The following IFNG-AS1 variants were observed in gnomAD, a reference collection of about 807,000 sequenced individuals.
IFNG-AS1 encodes IFNG antisense RNA 1 (non-protein coding).
At chr12:68,018,125 C>T (rs568767165) in intron 3 of IFNG-AS1, among the ~76,000 whole-genome samples, 84 of 152,178 alleles carry the variant, frequency 5.5e-4, no homozygotes, top group African/African-American at 1.9e-3. Context: ...TCATCTGGAC[C>T]ATTTCTCCTG....
At chr12:67,999,616 C>G (rs1471843036) in intron 2 of IFNG-AS1, among the ~76,000 whole-genome samples, 1 of 152,098 alleles carries the variant, frequency 6.6e-6, no homozygotes, top group African/African-American at 2.4e-5. Flanking sequence ...GTATTCATGA[C>G]TGCATACTGA....
At chr12:68,004,854 C>T (rs574427767) in intron 2 of IFNG-AS1, among the ~76,000 whole-genome samples, 31 of 152,146 alleles carry the variant, frequency 2.0e-4, no homozygotes, top group Non-Finnish European at 3.8e-4. Context: ...CTTTTCTTAG[C>T]GGGATGCATA....
In IFNG-AS1 at chr12:68,006,509, G is replaced by A. The variant is rs533423860; in HGVS notation, n.241+363G>A. The stretch of plus-strand genomic sequence containing the variant: ...AGACATACCCATTGCGCTATTGTCT[G>A]GGAAGAATTCTAAGACAGCCCCATG... On this transcript the variant is annotated intron_variant and non_coding_transcript_variant, in intron 3 of 5. Transcript: ENST00000536914. Among the ~76,000 whole-genome samples the A allele has an allele frequency of 2.0e-5, 3 of 152,222 alleles. No homozygotes were observed. The South Asian group carries it at 6.2e-4, about 32-fold the overall frequency.
chr12:68,018,638 C>G (rs1880210151), intron 3 of IFNG-AS1, among the ~76,000 whole-genome samples: 1 of 152,040 alleles, frequency 6.6e-6, no homozygotes. Context: ...AAGAAATACT[C>G]CTACAACTTT....
intron 3 of IFNG-AS1, among the ~76,000 whole-genome samples, chr12:68,014,481 T>A (rs1237362202): frequency 6.6e-6 from 1 of 152,210 alleles, no homozygotes; most frequent in Non-Finnish European, 1.5e-5. Flanking sequence ...TTATTATGGC[T>A]ATTCTTGCAG....
intron 3 of IFNG-AS1, among the ~76,000 whole-genome samples, chr12:68,018,693 G>C (rs1454909128): frequency 2.0e-5 from 3 of 152,116 alleles, no homozygotes; most frequent in Non-Finnish European, 4.4e-5. Context: ...AAGGTAGAGA[G>C]AGTGGCTGTA....
intron 3 of IFNG-AS1, among the ~76,000 whole-genome samples, chr12:68,016,085 G>A (rs797019990): frequency 6.6e-6 from 1 of 152,134 alleles, no homozygotes; most frequent in Admixed American, 6.6e-5. Context: ...TGTACCTACT[G>A]TAGATTAACT....
At chr12:68,001,150 A>G (rs1023248342) in intron 2 of IFNG-AS1, among the ~76,000 whole-genome samples, 7 of 152,232 alleles carry the variant, frequency 4.6e-5, no homozygotes, top group East Asian at 1.9e-4. Context: ...ATGTGTGTGT[A>G]TATATACATT....
chr12:68,019,883 A>G lies in IFNG-AS1; in HGVS notation n.263A>G, dbSNP rs1880245764. The stretch of plus-strand genomic sequence containing the variant: ...ACAGGCTAGAAGCCCACCAACTGCT[A>G]ACAACCAGCTGGAGGGTAAGTCAAA... On this transcript the variant is annotated non_coding_transcript_exon_variant, in exon 4 of 6. Coordinates refer to ENST00000536914, the Ensembl canonical transcript of IFNG-AS1. 3 of 152,216 alleles carry G rather than the reference A, an allele frequency of 2.0e-5. No homozygotes were observed. In the South Asian group the frequency reaches 6.2e-4, roughly 32 times the overall value. The allele number at this position is 152,216 out of a possible 1,614,324, so 9.4% of individuals were successfully genotyped here. A position where few individuals can be genotyped will look rare whatever the true frequency, so the allele number is the denominator to read the frequency against.
intron 2 of IFNG-AS1, among the ~76,000 whole-genome samples, chr12:67,998,757 C>A (rs990177186): frequency 1.7e-4 from 26 of 152,120 alleles, no homozygotes; most frequent in African/African-American, 6.0e-4. Flanking sequence ...AAAGAATGAA[C>A]TGAAGACAAC....
chr12:68,010,309 C>T (rs575657798), intron 3 of IFNG-AS1, among the ~76,000 whole-genome samples: 30 of 152,244 alleles, frequency 2.0e-4, no homozygotes, highest in Non-Finnish European at 2.8e-4. Flanking sequence ...AATGTATAGG[C>T]CTCTTTAAAG....
chr12:67,993,389 T>G (rs1428298972), intron 1 of IFNG-AS1, among the ~76,000 whole-genome samples: 1 of 152,216 alleles, frequency 6.6e-6, no homozygotes, highest in Non-Finnish European at 1.5e-5. Context: ...AATACACATC[T>G]TAAACCATTT....
At chr12:68,014,583 G>A (rs1744575908) in intron 3 of IFNG-AS1, among the ~76,000 whole-genome samples, 1 of 152,116 alleles carries the variant, frequency 6.6e-6, no homozygotes, top group African/African-American at 2.4e-5. Flanking sequence ...TTGGCCATTT[G>A]TATATCTTCT....
intron 2 of IFNG-AS1, among the ~76,000 whole-genome samples, chr12:67,997,891 C>G (rs1879680596): frequency 6.6e-6 from 1 of 151,670 alleles, no homozygotes. Flanking sequence ...TGTAAGATAG[C>G]AAAAAATGTT....
chr12:67,998,477 A>G (rs541980956), intron 2 of IFNG-AS1, among the ~76,000 whole-genome samples: 39 of 151,916 alleles, frequency 2.6e-4, no homozygotes, highest in Admixed American at 2.5e-3. Context: ...AACCACAAAA[A>G]GGTTAACCCA....
chr12:68,003,426 T>C (rs199547611), intron 2 of IFNG-AS1, among the ~76,000 whole-genome samples: 156 of 134,854 alleles, frequency 1.2e-3, no homozygotes, highest in South Asian at 2.6e-3. Context: ...TATTCCCCCC[T>C]TTTTTTTTTT....
chr12:68,012,591 A>G (rs11177003), intron 3 of IFNG-AS1, among the ~76,000 whole-genome samples: 16,629 of 151,992 alleles, frequency 0.11, 1,177 homozygotes, highest in East Asian at 0.25. Flanking sequence ...CCACAGACAC[A>G]ATCTGGGCCA....
At position 68,002,234 on chromosome 12, in the gene IFNG-AS1, G is replaced by A. The variant is rs117488193; in HGVS notation, n.185-3856G>A. Reference sequence around the variant, plus strand: ...AGGGCCAAGCCCTCCTCCTAAACCGGCAAATGCACATGGTAGGTCATGGGG... The same window carrying A: ...AGGGCCAAGCCCTCCTCCTAAACCGACAAATGCACATGGTAGGTCATGGGG... On this transcript the variant is annotated intron_variant and non_coding_transcript_variant, in intron 2 of 5. Transcript: ENST00000536914. Among the ~76,000 whole-genome samples, 1,294 of 152,280 alleles carry A rather than the reference G, an allele frequency of 8.5e-3. 12 individuals are homozygous for A. The highest frequency in any genetic ancestry group is 0.013 in the Non-Finnish European group (913 of 68,018).
Position 68,012,161 on chromosome 12 carries a change from G to GT in IFNG-AS1, n.241+6019dup, listed in dbSNP as rs1434050464. 2.0e-5 allele frequency among the ~76,000 whole-genome samples: 3 copies of GT among 152,228 alleles called. No homozygotes were observed. The South Asian group carries it at 6.2e-4, about 32-fold the overall frequency. ...GTTACTAGATTGCGGTTTACAGGTT[G>GT]TTTTGTTTTTTCTTTCCTTTTAATT... On this transcript the variant is annotated intron_variant and non_coding_transcript_variant, in intron 3 of 5. Coordinates refer to ENST00000536914, the Ensembl canonical transcript of IFNG-AS1.
Sources: gnomAD v4.1 joint callset for allele counts (sites outside exome capture counted in the v4.1 genomes callset) on GRCh38, gnomAD v4.1.1 for gene constraint, MANE v1.5 for transcripts, NCBI Gene and HGNC (gene_info 2026-07-23, HGNC 2026-07-21) for gene names.